The following RUNX2 variants were observed in gnomAD, a reference collection of about 807,000 sequenced individuals.
RUNX2 encodes runt-related transcription factor 2.
In RUNX2, 10 loss-of-function variants were observed where a neutral mutation model predicts 51.7. The observed-to-expected ratio is 0.19, with a 90% CI of 0.12 to 0.33. The LOEUF (loss-of-function observed/expected upper bound fraction) is 0.33, where lower values mean the gene tolerates loss of function less well. Among genes scored for constraint, RUNX2 ranks in the 10% least tolerant of loss-of-function variants. The probability of loss-of-function intolerance (pLI) is 1.00; values close to 1 mark genes in which losing one functional copy is unlikely to be tolerated. For synonymous variants in RUNX2, 276 were observed against 273.6 expected, an observed-to-expected ratio of 1.01 and a Z score of -0.09; for missense variants, 562 against 691.3, an observed-to-expected ratio of 0.81 and a Z score of 2.10.
intron 2 of RUNX2, among the ~76,000 whole-genome samples, chr6:45,339,747 A>G (rs1235638786): frequency 2.6e-5 from 4 of 152,160 alleles, no homozygotes; most frequent in Non-Finnish European, 5.9e-5. Context: ...GTTTTAAATT[A>G]TTTAAAATTT....
At chr6:45,490,633 G>A (rs1188322323) in intron 5 of RUNX2, among the ~76,000 whole-genome samples, 1 of 152,188 alleles carries the variant, frequency 6.6e-6, no homozygotes, top group African/African-American at 2.4e-5. Flanking sequence ...GTATTAAGTG[G>A]AAGCTAAGGC....
At chr6:45,534,592 C>G (rs1320532024) in intron 7 of RUNX2, among the ~76,000 whole-genome samples, 2 of 152,100 alleles carry the variant, frequency 1.3e-5, no homozygotes, top group African/African-American at 4.8e-5. Context: ...CTGAGGAGAG[C>G]AAGAGACGCA....
intron 2 of RUNX2, among the ~76,000 whole-genome samples, chr6:45,366,860 G>A (rs1234698528): frequency 2.0e-5 from 3 of 152,046 alleles, no homozygotes; most frequent in Non-Finnish European, 4.4e-5. Context: ...CTACGGCTAT[G>A]GCCTTCTAAA....
At chr6:45,369,263 T>C (rs1408604346) in intron 2 of RUNX2, among the ~76,000 whole-genome samples, 6 of 152,082 alleles carry the variant, frequency 3.9e-5, no homozygotes, top group Admixed American at 3.9e-4. Flanking sequence ...ACCCCTACAG[T>C]TCTCTCTACT....
chr6:45,518,073 T>C (rs1023621623), intron 7 of RUNX2, among the ~76,000 whole-genome samples: 2 of 152,220 alleles, frequency 1.3e-5, no homozygotes, highest in African/African-American at 4.8e-5. Flanking sequence ...AACCAGAAAG[T>C]TAAAGCAACC....
At position 45,539,561 on chromosome 6, in the gene RUNX2, T is replaced by A. The variant is rs1206031536; in HGVS notation, c.1022-5656T>A. Reference sequence around the variant, plus strand: ...TAAGTTAGTGATGGATAGTTGGTCATTTTTTAGTGTGAGGGGAGAAATTCA... The same window carrying A: ...TAAGTTAGTGATGGATAGTTGGTCAATTTTTAGTGTGAGGGGAGAAATTCA... On this transcript the variant is annotated intron_variant, in intron 7 of 8. Transcript: ENST00000647337. Among the ~76,000 whole-genome samples, 3 of 152,228 alleles carry A rather than the reference T, an allele frequency of 2.0e-5. No homozygotes were observed. The South Asian group carries it at 6.2e-4, about 32-fold the overall frequency.
At chr6:45,359,770 G>A (rs954626072) in intron 2 of RUNX2, among the ~76,000 whole-genome samples, 9 of 152,300 alleles carry the variant, frequency 5.9e-5, no homozygotes, top group African/African-American at 9.6e-5. Flanking sequence ...CAGGCTGGGC[G>A]CAGAGGCTTA....
chr6:45,440,384 T>C (rs1166226064), intron 5 of RUNX2, among the ~76,000 whole-genome samples: 1 of 152,196 alleles, frequency 6.6e-6, no homozygotes, highest in African/African-American at 2.4e-5. Context: ...TCTTAAACAG[T>C]GAGTATAATA....
chr6:45,545,352 G>A (rs1002596322), intron 8 of RUNX2, 70 bp downstream of exon 8: 13 of 1,485,488 alleles, frequency 8.8e-6, no homozygotes, highest in South Asian at 3.9e-5. Flanking sequence ...GTTACTGTCC[G>A]ATTTGTGAGT....
intron 5 of RUNX2, among the ~76,000 whole-genome samples, chr6:45,482,096 G>A (rs1437890053): frequency 2.0e-5 from 3 of 152,318 alleles, no homozygotes; most frequent in East Asian, 1.9e-4. Flanking sequence ...GAGGAGCTAC[G>A]GCGAAGTTAG....
intron 5 of RUNX2, among the ~76,000 whole-genome samples, chr6:45,481,334 T>G (rs144940347): frequency 3.3e-5 from 5 of 152,334 alleles, no homozygotes; most frequent in African/African-American, 1.2e-4. Context: ...CGAAAACTGC[T>G]ATTTCCATTG....
intron 4 of RUNX2, among the ~76,000 whole-genome samples, chr6:45,433,309 T>C (rs1311025263): frequency 6.6e-6 from 1 of 152,184 alleles, no homozygotes; most frequent in East Asian, 1.9e-4. Flanking sequence ...TATATCACTA[T>C]TGACTGATTA....
intron 7 of RUNX2, among the ~76,000 whole-genome samples, chr6:45,520,165 G>T (rs1442211190): frequency 6.6e-6 from 1 of 152,102 alleles, no homozygotes; most frequent in East Asian, 1.9e-4. Context: ...CATCAAAGGT[G>T]CTCTACCTGA....
At chr6:45,342,801 G>T (rs1428149386) in intron 2 of RUNX2, among the ~76,000 whole-genome samples, 3 of 152,070 alleles carry the variant, frequency 2.0e-5, no homozygotes, top group African/African-American at 7.2e-5. Context: ...GAAGAACAAT[G>T]TTTTTAATTT....
In RUNX2 at chr6:45,549,131, G is replaced by A; in HGVS notation, c.*1826G>A. Reference sequence around the variant, plus strand: ...TTTGACCACTCCTGGCAGTCACATGGCAGATTTCCAAGTGCAAATCCTTAA... The same window carrying A: ...TTTGACCACTCCTGGCAGTCACATGACAGATTTCCAAGTGCAAATCCTTAA... On this transcript the variant is annotated 3_prime_UTR_variant, in exon 9 of 9. Coordinates refer to ENST00000647337, the MANE Select transcript of RUNX2 (RefSeq NM_001024630.4). The A allele has an allele frequency of 2.5e-6, 1 of 398,598 alleles. No homozygotes were observed. The highest frequency in any genetic ancestry group is 4.4e-6 in the Non-Finnish European group (1 of 226,092). 24.7% of individuals were successfully genotyped at this position (398,598 alleles called of 1,614,324 possible).
intron 2 of RUNX2, among the ~76,000 whole-genome samples, chr6:45,384,618 G>A (rs1225221967): frequency 1.4e-5 from 2 of 147,970 alleles, no homozygotes; most frequent in African/African-American, 5.0e-5. Flanking sequence ...TAGTTATTGA[G>A]TAATTTTATA....
At chr6:45,364,709 T>C (rs952623380) in intron 2 of RUNX2, among the ~76,000 whole-genome samples, 1 of 152,232 alleles carries the variant, frequency 6.6e-6, no homozygotes, top group Non-Finnish European at 1.5e-5. Context: ...TCAAATGCTC[T>C]AAGTTTTTCC....
At position 45,422,957 on chromosome 6, in the gene RUNX2, G is replaced by C. The variant is rs2150362686; in HGVS notation, c.423G>C (p.Lys141Asn). The C allele has an allele frequency of 6.2e-7, 1 of 1,610,316 alleles. No homozygotes were observed. Among genetic ancestry groups the C allele is most frequent in the Non-Finnish European group, 8.5e-7 (1 of 1,179,398 alleles). ...ACAAGACCCTGCCCGTGGCCTTCAA[G>C]GTAAGAGGCTACACCGCCCCCCGCC... ...RCNKTLPVAF[K>N]VVALGEVPDG... is the part of the protein sequence containing the mutation. The change falls in exon 3 of 9, where the codon AAG becomes AAC. Residue 141 changes from lysine (K) to asparagine (N), a missense_variant and splice_region_variant. Transcript: ENST00000647337.
At chr6:45,395,066 G>T (rs1797553467) in intron 2 of RUNX2, among the ~76,000 whole-genome samples, 1 of 152,162 alleles carries the variant, frequency 6.6e-6, no homozygotes, top group African/African-American at 2.4e-5. Flanking sequence ...TACCCTTTAA[G>T]TGTCCCTACT....
Sources: allele counts gnomAD v4.1 joint callset (sites outside exome capture counted in the v4.1 genomes callset), GRCh38; gene constraint gnomAD v4.1.1; transcripts MANE v1.5; gene names NCBI Gene and HGNC (gene_info 2026-07-23, HGNC 2026-07-21).